The following ZFYVE28 variants were observed in gnomAD, a reference collection of about 807,000 sequenced individuals.
The protein encoded by ZFYVE28 is zinc finger FYVE-type containing 28.
A neutral mutation model predicts 82.1 loss-of-function variants in ZFYVE28; 40 were observed. The ratio of observed to expected loss-of-function variants is 0.49; its 90% CI spans 0.38 to 0.63. ZFYVE28 has a LOEUF of 0.63. Ranked by LOEUF, ZFYVE28 falls within the 30% of genes least tolerant of loss-of-function variation. ZFYVE28 has a pLI of 0.00. For missense variants in ZFYVE28, 1,321 were observed against 1,242.1 expected, an observed-to-expected ratio of 1.06 and a Z score of -0.96; for synonymous variants, 612 against 546.1, an observed-to-expected ratio of 1.12 and a Z score of -1.68.
intron 1 of ZFYVE28, among the ~76,000 whole-genome samples, chr4:2,359,006 G>T (rs1439109003): frequency 7.2e-5 from 10 of 138,628 alleles, no homozygotes; most frequent in South Asian, 4.5e-4. Context: ...ACAGAGTCTC[G>T]CTCTGTCGCC....
intron 2 of ZFYVE28, among the ~76,000 whole-genome samples, chr4:2,344,115 T>C (rs527532915): frequency 5.3e-4 from 80 of 151,942 alleles, no homozygotes; most frequent in Admixed American, 1.2e-3. Flanking sequence ...TTGAGGAAAG[T>C]TTCAAGTCAT....
intron 5 of ZFYVE28, among the ~76,000 whole-genome samples, chr4:2,336,926 T>TGAGTGAGGAGGTGAG (rs1721869793): frequency 1.2e-4 from 1 of 8,398 alleles, no homozygotes; most frequent in Non-Finnish European, 2.1e-4. Context: ...AGTGAGGAGG[T>TGAGTGAGGAGGTGAG]GAGTGAGGAG....
chr4:2,352,146 G>A (rs576941964), intron 2 of ZFYVE28, among the ~76,000 whole-genome samples: 1 of 152,264 alleles, frequency 6.6e-6, no homozygotes, highest in African/African-American at 2.4e-5. Flanking sequence ...AAATGGACCT[G>A]TGCAGTTCAA....
chr4:2,274,176 GCCCCA>G lies in ZFYVE28; in HGVS notation c.2087_2091del (p.Met696ThrfsTer42). ...TGCGTGGCTGCTGGGGCCGCCTCTG[GCCCCA>G]TCTTGTCTGAGGAGCAGGACCCAGC... is the stretch of plus-strand genomic sequence containing the variant. On this transcript the variant is annotated frameshift_variant, in exon 9 of 13. Coordinates refer to ENST00000290974, the MANE Select transcript of ZFYVE28 (RefSeq NM_020972.3). LOFTEE classifies it high-confidence loss of function. 1 of 1,613,840 alleles carries G rather than the reference GCCCCA, an allele frequency of 6.2e-7. No individual in the cohort carries two copies. Among genetic ancestry groups the G allele is most frequent in the South Asian group, 1.1e-5 (1 of 91,082 alleles).
intron 1 of ZFYVE28, among the ~76,000 whole-genome samples, chr4:2,393,798 C>T (rs1411979883): frequency 6.6e-6 from 1 of 152,228 alleles, no homozygotes; most frequent in Non-Finnish European, 1.5e-5. Context: ...CCGGGCTTTA[C>T]TGTTGTGAGC....
chr4:2,290,106 C>A (rs1314292298), intron 8 of ZFYVE28, among the ~76,000 whole-genome samples: 1 of 152,170 alleles, frequency 6.6e-6, no homozygotes, highest in African/African-American at 2.4e-5. Flanking sequence ...GTCAGAGCCA[C>A]CCCCCGGTCA....
chr4:2,274,638 T>C (rs1380628409), intron 8 of ZFYVE28, among the ~76,000 whole-genome samples: 1 of 152,142 alleles, frequency 6.6e-6, no homozygotes, highest in Non-Finnish European at 1.5e-5. Context: ...CTGAAGCCTG[T>C]GAACGTGACC....
chr4:2,400,317 C>T (rs768090446), intron 1 of ZFYVE28, among the ~76,000 whole-genome samples: 34 of 152,220 alleles, frequency 2.2e-4, no homozygotes, highest in African/African-American at 3.4e-4. Context: ...TGTGTCATGA[C>T]ACGCACACAC....
chr4:2,376,393 A>AT (rs1337755855), intron 1 of ZFYVE28, among the ~76,000 whole-genome samples: 5 of 146,586 alleles, frequency 3.4e-5, no homozygotes, highest in Non-Finnish European at 6.0e-5. Context: ...AAAAAAAAAA[A>AT]AAAAAGTTTT....
rs142739189 is a variant in ZFYVE28, at chr4:2,332,812, C to T, written c.701+2893G>A. Among the ~76,000 whole-genome samples the T allele has an allele frequency of 2.9e-3, 439 of 152,274 alleles. 6 individuals carry two copies. The highest frequency in any genetic ancestry group is 0.01 in the African/African-American group (420 of 41,540). ...ACTCAGCACTCACCCGCTCAGCACT[C>T]ACCCGCCCTGCTCGAGGCTCGCTGC... On this transcript the variant is annotated intron_variant, in intron 6 of 12. Coordinates refer to ENST00000290974, the MANE Select transcript of ZFYVE28 (RefSeq NM_020972.3). The surrounding 1 kb of genome is among the most constrained non-coding windows in gnomAD (Gnocchi z 4.7).
chr4:2,283,086 G>C (rs1038459139), intron 8 of ZFYVE28, among the ~76,000 whole-genome samples: 4 of 100,056 alleles, frequency 4.0e-5, no homozygotes, highest in African/African-American at 9.6e-5. Context: ...TGGGCTGGCT[G>C]CTTCTTGTAA....
At chr4:2,354,738 C>T (rs939330916) in intron 1 of ZFYVE28, among the ~76,000 whole-genome samples, 3 of 152,138 alleles carry the variant, frequency 2.0e-5, no homozygotes, top group Admixed American at 1.3e-4. Context: ...GGATTACAAA[C>T]ATGAGCCACT....
At chr4:2,333,079 GCCCGAGGGGAC>G (rs1381333101) in intron 6 of ZFYVE28, among the ~76,000 whole-genome samples, 1 of 151,716 alleles carries the variant, frequency 6.6e-6, no homozygotes, top group African/African-American at 2.4e-5. Context: ...ACTGTCCTGA[GCCCGAGGGGAC>G]CCCACGCCAG....
intron 1 of ZFYVE28, among the ~76,000 whole-genome samples, chr4:2,358,975 CTTTTTT>C (rs34020284): frequency 1.6e-5 from 2 of 125,784 alleles, no homozygotes; most frequent in African/African-American, 6.2e-5. Context: ...CCAATTTTTT[CTTTTTT>C]TTTTTTTTTT....
intron 8 of ZFYVE28, among the ~76,000 whole-genome samples, chr4:2,275,180 C>A (rs963456753): frequency 2.6e-5 from 4 of 152,124 alleles, no homozygotes; most frequent in African/African-American, 9.7e-5. Flanking sequence ...GCTGAGGGAC[C>A]CTCCGTGCAT....
chr4:2,402,992 C>T (rs1329840385), intron 1 of ZFYVE28, among the ~76,000 whole-genome samples: 1 of 152,250 alleles, frequency 6.6e-6, no homozygotes. Flanking sequence ...ATTTGGGAGT[C>T]TCCATGAGGC....
At chr4:2,399,816 G>A (rs1399132150) in intron 1 of ZFYVE28, among the ~76,000 whole-genome samples, 1 of 152,222 alleles carries the variant, frequency 6.6e-6, no homozygotes, top group African/African-American at 2.4e-5. Context: ...GGACCCAAAC[G>A]CTGCCGGACG....
intron 1 of ZFYVE28, among the ~76,000 whole-genome samples, chr4:2,407,822 G>A (rs1436187200): frequency 1.3e-5 from 2 of 152,162 alleles, no homozygotes; most frequent in East Asian, 1.9e-4. Context: ...TCCTGACCTC[G>A]TGATCCACCT....
chr4:2,387,034 G>A (rs1050347855), intron 1 of ZFYVE28, among the ~76,000 whole-genome samples: 6 of 149,834 alleles, frequency 4.0e-5, no homozygotes, highest in African/African-American at 1.5e-4. Context: ...GGGGTTGGAC[G>A]GCTCCGCAGA....
Sources: allele counts gnomAD v4.1 joint callset (sites outside exome capture counted in the v4.1 genomes callset), GRCh38; gene constraint gnomAD v4.1.1; non-coding constraint Gnocchi (gnomAD v3.1); transcripts MANE v1.5; gene names NCBI Gene and HGNC (gene_info 2026-07-23, HGNC 2026-07-21).